PZP: variants seen among roughly 807,000 people sequenced by gnomAD.
The protein encoded by PZP is pregnancy zone protein.
PZP carries 150 observed loss-of-function variants against 179.8 expected under a neutral mutation model. The observed-to-expected ratio is 0.83, with a 90% confidence interval of 0.73 to 0.96. The LOEUF (loss-of-function observed/expected upper bound fraction) is 0.96. PZP is among the 40% of genes least tolerant of loss of function. PZP has a pLI of 0.00. For synonymous variants in PZP, 624 were observed against 652.3 expected, an observed-to-expected ratio of 0.96 and a Z score of 0.66; for missense variants, 1,689 against 1,764.0, an observed-to-expected ratio of 0.96 and a Z score of 0.76.
intron 15 of PZP, among the ~76,000 whole-genome samples, chr12:9,171,842 T>C (rs192382323): frequency 6.6e-5 from 10 of 152,258 alleles, no homozygotes; most frequent in African/African-American, 2.4e-4. Context: ...TGGGATTATG[T>C]AAAAAGACCA....
intron 31 of PZP, 144 bp from the exon 32 acceptor site, chr12:9,152,454 C>T (rs977681887): frequency 1.5e-6 from 1 of 653,772 alleles, no homozygotes; most frequent in Non-Finnish European, 2.7e-6. Flanking sequence ...TGGACTTGTG[C>T]AACACTGACA....
the PZP span, among the ~76,000 whole-genome samples, chr12:9,137,143 A>G: frequency 1.7e-4 from 26 of 152,112 alleles, no homozygotes; most frequent in Admixed American, 1.4e-3. Flanking sequence ...TTTTTCTTAT[A>G]TCAGTTTTAC....
chr12:9,166,040 A>G lies in PZP; in HGVS notation c.2258+12T>C, dbSNP rs775904580. 3.1e-6 allele frequency: 5 copies of G among 1,593,736 alleles called. No individual in the cohort carries two copies. The East Asian group carries it at 6.7e-5, about 21-fold the overall frequency. On this transcript the variant is annotated intron_variant, in intron 18 of 35. Transcript: ENST00000261336. ...TCCCCTCCAGCAAATGGAGGAAAGT[A>G]AAGTTACTTACTTCACTGCCACCAA...
intron 15 of PZP, among the ~76,000 whole-genome samples, chr12:9,180,681 T>A (rs1942698725): frequency 6.6e-6 from 1 of 152,116 alleles, no homozygotes; most frequent in South Asian, 2.1e-4. Context: ...ATGTTAGACC[T>A]AAAACCATAA....
intron 21 of PZP, 151 bp from the exon 22 acceptor site, chr12:9,162,799 G>T (rs866934592): frequency 1.1e-5 from 7 of 657,694 alleles, no homozygotes; most frequent in African/African-American, 3.7e-5. Context: ...AGTTCAAGGG[G>T]ACATGTGCAG....
intron 4 of PZP, 114 bp from the exon 5 acceptor site, chr12:9,201,461 C>G (rs1944157343): frequency 1.3e-6 from 1 of 785,028 alleles, no homozygotes; most frequent in African/African-American, 1.7e-5. Context: ...CTAAATTCAA[C>G]AAGAAACATA....
downstream of PZP, among the ~76,000 whole-genome samples, chr12:9,144,156 C>T (rs1389896278): frequency 6.6e-6 from 1 of 151,730 alleles, no homozygotes; most frequent in Non-Finnish European, 1.5e-5. Context: ...GAACCAGAGC[C>T]ACATGAGGAA....
At chr12:9,207,897 T>C (rs1944519558) in intron 1 of PZP, among the ~76,000 whole-genome samples, 1 of 151,216 alleles carries the variant, frequency 6.6e-6, no homozygotes, top group Non-Finnish European at 1.5e-5. Context: ...ATACTTTCTG[T>C]ATATATATAT....
chr12:9,200,484 T>C (rs1338585625), intron 6 of PZP, 36 bp from the exon 7 acceptor site: 3 of 1,459,068 alleles, frequency 2.1e-6, no homozygotes, highest in Non-Finnish European at 2.9e-6. Context: ...GGAAGGTTGG[T>C]AAACATTTAT....
At chr12:9,190,967 G>T (rs767289369) in intron 13 of PZP, among the ~76,000 whole-genome samples, 1 of 152,004 alleles carries the variant, frequency 6.6e-6, no homozygotes, top group Non-Finnish European at 1.5e-5. Context: ...AGAGTAAATC[G>T]GTAATTAATA....
chr12:9,205,613 G>A (rs1944405867), intron 1 of PZP, among the ~76,000 whole-genome samples: 1 of 152,076 alleles, frequency 6.6e-6, no homozygotes, highest in South Asian at 2.1e-4. Context: ...ACTCTTCAAA[G>A]CTTTAATGAT....
At chr12:9,169,380 ACATT>A in intron 16 of PZP, 46 bp downstream of exon 16, 1 of 1,459,526 alleles carries the variant, frequency 6.9e-7, no homozygotes, top group Non-Finnish European at 9.3e-7. Context: ...AGTTTTATTA[ACATT>A]CAAAAACTCA....
intron 1 of PZP, among the ~76,000 whole-genome samples, chr12:9,204,969 T>A (rs1355633202): frequency 6.6e-6 from 1 of 151,926 alleles, no homozygotes. Flanking sequence ...AGGTGGCACA[T>A]GGCTGTAGTA....
rs746768729 is a variant in PZP at position 9,201,042 on chromosome 12, T to C, written c.520A>G (p.Ile174Val). ...IYLENPRRNR[I>V]AQWQSLKLEA... is the part of the protein sequence containing the mutation. Reference sequence around the variant, plus strand: ...AGCTTGAGACTCTGCCATTGTGCAATTCGATTTCTTCTTGGGTTCTGAAGG... The same window carrying C: ...AGCTTGAGACTCTGCCATTGTGCAACTCGATTTCTTCTTGGGTTCTGAAGG... The change falls in exon 6 of 36, where the codon ATT becomes GTT. Residue 174 changes from isoleucine (I) to valine (V), a missense_variant. Physicochemically the swap from Ile to Val is conservative, Grantham distance 29. This residue lies in a region of PZP where 742 missense variants were observed against 730.5 expected (regional missense o/e 1.02). Coordinates refer to ENST00000261336, the MANE Select transcript of PZP (RefSeq NM_002864.3). 1 of 1,614,024 alleles carries C rather than the reference T, an allele frequency of 6.2e-7. No individual in the cohort carries two copies. The highest frequency in any genetic ancestry group is 8.5e-7 in the Non-Finnish European group (1 of 1,179,956).
intron 13 of PZP, among the ~76,000 whole-genome samples, chr12:9,190,082 G>T (rs1048123567): frequency 6.6e-5 from 10 of 152,080 alleles, no homozygotes; most frequent in Non-Finnish European, 1.3e-4. Flanking sequence ...AAAGCAGTGT[G>T]GCGATTCCTC....
At chr12:9,203,656 A>G (rs1944301302) in intron 2 of PZP, 112 bp downstream of exon 2, 2 of 1,316,950 alleles carry the variant, frequency 1.5e-6, no homozygotes, top group South Asian at 1.4e-5. Flanking sequence ...AGTCCTAACT[A>G]CATTCTTAAA....
chr12:9,138,252 C>T, the PZP span, among the ~76,000 whole-genome samples: 2 of 151,772 alleles, frequency 1.3e-5, no homozygotes, highest in Non-Finnish European at 2.9e-5. Flanking sequence ...CAAATGCTTT[C>T]TCTGCTTGTA....
chr12:9,192,062 C>T lies in PZP; in HGVS notation c.1546+131G>A, dbSNP rs905828052. 6.0e-5 allele frequency: 43 copies of T among 721,060 alleles called. 1 individual carries two copies. Among genetic ancestry groups the T allele is most frequent in the East Asian group, 3.2e-4 (12 of 37,802 alleles). 44.7% of individuals were successfully genotyped at this position (721,060 alleles called of 1,614,324 possible). On this transcript the variant is annotated intron_variant, in intron 13 of 35. Transcript: ENST00000261336. ...TTTAAAATGCCAAAGAGTCATAAGACGAGTATTTTCCTGCGTGTCCTCCTT... is the reference window on the plus strand; with the variant it reads ...TTTAAAATGCCAAAGAGTCATAAGATGAGTATTTTCCTGCGTGTCCTCCTT...
chr12:9,145,320 T>A (rs1278326504), downstream of PZP, among the ~76,000 whole-genome samples: 1 of 152,206 alleles, frequency 6.6e-6, no homozygotes, highest in Non-Finnish European at 1.5e-5. Flanking sequence ...TTTTTAAATC[T>A]CTGTCTTTTG....
Sources: gnomAD v4.1 joint callset for allele counts (sites outside exome capture counted in the v4.1 genomes callset) on GRCh38, gnomAD v4.1.1 for gene constraint, gnomAD v4.1.1 regional missense constraint, MANE v1.5 for transcripts, NCBI Gene and HGNC (gene_info 2026-07-23, HGNC 2026-07-21) for gene names.